GRM8: variants seen among roughly 807,000 people sequenced by gnomAD.
GRM8 encodes metabotropic glutamate receptor 8.
In GRM8, 47 loss-of-function variants were observed where a neutral mutation model predicts 87.2. The observed-to-expected ratio is 0.54, with a 90% CI of 0.43 to 0.69. GRM8 has a LOEUF of 0.69. Among genes scored for constraint, GRM8 ranks in the 30% least tolerant of loss-of-function variants. The probability of loss-of-function intolerance (pLI) is 0.00; values close to 1 mark genes in which losing one functional copy is unlikely to be tolerated. For missense variants in GRM8, 1,019 were observed against 1,139.2 expected, an observed-to-expected ratio of 0.89 and a Z score of 1.52; for synonymous variants, 396 against 404.5, an observed-to-expected ratio of 0.98 and a Z score of 0.25.
At chr7:126,742,142 G>T (rs1399278209) in intron 7 of GRM8, among the ~76,000 whole-genome samples, 2 of 151,644 alleles carry the variant, frequency 1.3e-5, no homozygotes, top group Non-Finnish European at 2.9e-5. Flanking sequence ...AAATCCATTT[G>T]GGTGAAAAAA....
At chr7:126,494,917 C>T (rs1393104917) in intron 9 of GRM8, among the ~76,000 whole-genome samples, 1 of 151,986 alleles carries the variant, frequency 6.6e-6, no homozygotes, top group African/African-American at 2.4e-5. Flanking sequence ...TAGATGACTG[C>T]TCGTGAATAT....
intron 3 of GRM8, among the ~76,000 whole-genome samples, chr7:127,058,488 T>G (rs763211307): frequency 6.6e-6 from 1 of 152,206 alleles, no homozygotes. Flanking sequence ...TAAATGTTAG[T>G]TCCTCCTTTT....
intron 3 of GRM8, among the ~76,000 whole-genome samples, chr7:126,968,284 T>C (rs992119728): frequency 8.5e-5 from 13 of 152,182 alleles, no homozygotes; most frequent in African/African-American, 3.1e-4. Flanking sequence ...TCTATGCCAG[T>C]CATTATCTAA....
At chr7:126,517,815 AT>A (rs1812398363) in intron 9 of GRM8, among the ~76,000 whole-genome samples, 1 of 152,090 alleles carries the variant, frequency 6.6e-6, no homozygotes. Flanking sequence ...GGAAATAATT[AT>A]TTTAGATAGA....
At chr7:127,171,332 C>T (rs1047536733) in intron 2 of GRM8, among the ~76,000 whole-genome samples, 1 of 152,170 alleles carries the variant, frequency 6.6e-6, no homozygotes. Context: ...TAGAAAATGA[C>T]ATAAACTTAA....
chr7:126,844,557 G>A (rs1796547481), intron 6 of GRM8, among the ~76,000 whole-genome samples: 2 of 152,252 alleles, frequency 1.3e-5, no homozygotes, highest in African/African-American at 4.8e-5. Context: ...AAAGGGTTTA[G>A]TCACTTGCTG....
chr7:126,470,638 C>T (rs1023317829), intron 9 of GRM8, among the ~76,000 whole-genome samples: 2 of 152,036 alleles, frequency 1.3e-5, no homozygotes, highest in Non-Finnish European at 2.9e-5. Flanking sequence ...GTGAACAGTG[C>T]TGCAATAAAC....
chr7:127,243,787 A>G (rs1213305307), intron 1 of GRM8, among the ~76,000 whole-genome samples: 1 of 152,144 alleles, frequency 6.6e-6, no homozygotes, highest in African/African-American at 2.4e-5. Flanking sequence ...TTATTTCAAT[A>G]AACCTTATTT....
intron 3 of GRM8, among the ~76,000 whole-genome samples, chr7:126,994,270 A>G (rs893263801): frequency 6.6e-6 from 1 of 152,180 alleles, no homozygotes; most frequent in East Asian, 1.9e-4. Context: ...AAGGGAATGA[A>G]CAAGTACTGG....
intron 6 of GRM8, 111 bp from the exon 7 acceptor site, chr7:126,770,176 T>C: frequency 2.9e-6 from 2 of 687,814 alleles, no homozygotes; most frequent in Non-Finnish European, 5.0e-6. Flanking sequence ...CACGACTATT[T>C]GATTTCACTT....
At chr7:126,827,388 A>C (rs1023500429) in intron 6 of GRM8, among the ~76,000 whole-genome samples, 1 of 152,060 alleles carries the variant, frequency 6.6e-6, no homozygotes, top group Middle Eastern at 3.4e-3. Context: ...CTTTTATTTC[A>C]CTGAGCAGTG....
chr7:126,769,574 G>C (rs1001686534), intron 7 of GRM8, among the ~76,000 whole-genome samples: 1 of 152,026 alleles, frequency 6.6e-6, no homozygotes, highest in Non-Finnish European at 1.5e-5. Flanking sequence ...TAATGTCAAT[G>C]GTTTCAAATA....
intron 3 of GRM8, among the ~76,000 whole-genome samples, chr7:126,950,804 A>G (rs577962862): frequency 6.6e-6 from 1 of 152,276 alleles, no homozygotes; most frequent in Admixed American, 6.5e-5. Flanking sequence ...TCACCGTACT[A>G]GTAAGTTGTA....
At chr7:126,494,657 T>TAC (rs918602874) in intron 9 of GRM8, among the ~76,000 whole-genome samples, 2 of 151,804 alleles carry the variant, frequency 1.3e-5, no homozygotes, top group African/African-American at 2.4e-5. Context: ...CTGCATACAT[T>TAC]ACACACACAC....
chr7:127,111,845 G>A (rs1031425614), intron 2 of GRM8, among the ~76,000 whole-genome samples: 4 of 152,158 alleles, frequency 2.6e-5, no homozygotes, highest in East Asian at 1.9e-4. Context: ...TGGTCAACAC[G>A]GTGAAGCCCC....
chr7:126,614,905 A>C (rs1185091914), intron 7 of GRM8, among the ~76,000 whole-genome samples: 1 of 152,250 alleles, frequency 6.6e-6, no homozygotes, highest in East Asian at 1.9e-4. Context: ...TGATTGGTGT[A>C]CCTGAAAGTG....
chr7:126,515,719 G>A (rs975429872), intron 9 of GRM8, among the ~76,000 whole-genome samples: 5 of 152,058 alleles, frequency 3.3e-5, no homozygotes, highest in Non-Finnish European at 5.9e-5. Context: ...ATGACAAGTT[G>A]AGTCTTTCTC....
At chr7:126,958,500 G>GC (rs1404521883) in intron 3 of GRM8, among the ~76,000 whole-genome samples, 1 of 152,194 alleles carries the variant, frequency 6.6e-6, no homozygotes, top group Non-Finnish European at 1.5e-5. Context: ...GGAGCTGCCT[G>GC]CCCCACTGCG....
intron 2 of GRM8, among the ~76,000 whole-genome samples, chr7:127,122,716 T>A (rs1421571998): frequency 6.6e-6 from 1 of 151,858 alleles, no homozygotes; most frequent in South Asian, 2.1e-4. Context: ...TGTAAACAAA[T>A]AAATAGAAAG....
Sources: gnomAD v4.1 joint callset for allele counts (sites outside exome capture counted in the v4.1 genomes callset) on GRCh38, gnomAD v4.1.1 for gene constraint, MANE v1.5 for transcripts, NCBI Gene and HGNC (gene_info 2026-07-23, HGNC 2026-07-21) for gene names.